The following ATP10B variants were observed in gnomAD, a reference collection of about 807,000 sequenced individuals.
ATP10B encodes ATPase phospholipid transporting 10B (putative).
ATP10B carries 122 observed loss-of-function variants against 141.2 expected under a neutral mutation model. The observed-to-expected ratio is 0.86, with a 90% CI of 0.75 to 1.00. The LOEUF is 1.00. Among genes scored for constraint, ATP10B ranks in the 50% least tolerant of loss-of-function variants. ATP10B has a pLI of 0.00. For missense variants in ATP10B, 1,876 were observed against 1,825.3 expected, an observed-to-expected ratio of 1.03 and a Z score of -0.51; for synonymous variants, 685 against 692.0, an observed-to-expected ratio of 0.99 and a Z score of 0.16.
Position 160,766,337 on chromosome 5 carries a change from AACACACACACACACACAC to A in ATP10B, c.-331+19204_-331+19221del, listed in dbSNP as rs58890049. Among the ~76,000 whole-genome samples the A allele has an allele frequency of 2.1e-3, 298 of 140,396 alleles. 1 individual carries two copies. The highest frequency in any genetic ancestry group is 3.8e-3 in the Middle Eastern group (1 of 266). The allele number at this position is 140,396 out of a possible 152,430, so 92.1% of individuals were successfully genotyped here. The stretch of plus-strand genomic sequence containing the variant: ...CACCAATCAATGAGTGGATAAAGAG[AACACACACACACACACAC>A]ACACACACACACACACACACACACA... On this transcript the variant is annotated intron_variant, in intron 2 of 25. Transcript: ENST00000327245.
chr5:160,829,355 G>A (rs1346954888), intron 1 of ATP10B, among the ~76,000 whole-genome samples: 3 of 152,052 alleles, frequency 2.0e-5, no homozygotes, highest in East Asian at 3.9e-4. Context: ...TTTGGTTACT[G>A]CACGCTTATA....
chr5:160,728,742 T>C (rs1766534860), intron 2 of ATP10B, among the ~76,000 whole-genome samples: 1 of 151,958 alleles, frequency 6.6e-6, no homozygotes, highest in Admixed American at 6.6e-5. Context: ...GACCTTAGGG[T>C]GGTCTTATGG....
chr5:160,581,341 A>G (rs1230352798), intron 24 of ATP10B, among the ~76,000 whole-genome samples: 1 of 152,172 alleles, frequency 6.6e-6, no homozygotes, highest in Non-Finnish European at 1.5e-5. Flanking sequence ...AGATTCTGGT[A>G]CATTGTGTCT....
At chr5:160,806,417 C>A (rs1772772783) in intron 1 of ATP10B, among the ~76,000 whole-genome samples, 1 of 152,182 alleles carries the variant, frequency 6.6e-6, no homozygotes, top group Admixed American at 6.5e-5. Context: ...GCAGACAGAT[C>A]CTGCCATCTT....
intron 7 of ATP10B, among the ~76,000 whole-genome samples, chr5:160,653,754 T>C (rs1275443604): frequency 1.9e-5 from 2 of 103,838 alleles, no homozygotes; most frequent in Admixed American, 1.1e-4. Flanking sequence ...TACATATACA[T>C]AAATATATAT....
the ATP10B span, among the ~76,000 whole-genome samples, chr5:160,870,129 T>C: frequency 1.3e-5 from 2 of 151,768 alleles, no homozygotes; most frequent in African/African-American, 4.8e-5. Flanking sequence ...AGAAGAAAAA[T>C]ACCTAATTCC....
chr5:160,818,877 T>C (rs1773889159), intron 1 of ATP10B, among the ~76,000 whole-genome samples: 1 of 152,138 alleles, frequency 6.6e-6, no homozygotes, highest in Non-Finnish European at 1.5e-5. Flanking sequence ...GAAACCATCA[T>C]TCTCAGCAAA....
At chr5:160,912,398 G>A in the ATP10B span, among the ~76,000 whole-genome samples, 1 of 112,588 alleles carries the variant, frequency 8.9e-6, no homozygotes, top group African/African-American at 3.2e-5. Context: ...CCAATATCGT[G>A]AAACCCTGTT....
At chr5:160,850,028 C>T (rs182368600) in intron 1 of ATP10B, among the ~76,000 whole-genome samples, 89 of 152,194 alleles carry the variant, frequency 5.8e-4, no homozygotes, top group Admixed American at 5.0e-3. Flanking sequence ...AGGAATCCAA[C>T]GAGTTTTAGT....
Position 160,607,100 on chromosome 5 carries a change from T to G in ATP10B, c.2839-14A>C, listed in dbSNP as rs978620111. On this transcript the variant is annotated splice_polypyrimidine_tract_variant and intron_variant, in intron 18 of 25. Coordinates refer to ENST00000327245, the MANE Select transcript of ATP10B (RefSeq NM_025153.3). The stretch of plus-strand genomic sequence containing the variant: ...TTCACAGGTCTCCTATAAAGAAGCA[T>G]AATAATACAGTATTTGTAAGCAACC... The G allele has an allele frequency of 6.3e-7, 1 of 1,598,844 alleles. No individual in the cohort carries two copies. Among genetic ancestry groups the G allele is most frequent in the Non-Finnish European group, 8.5e-7 (1 of 1,170,092 alleles).
intron 3 of ATP10B, among the ~76,000 whole-genome samples, chr5:160,716,615 T>C (rs1765676895): frequency 6.6e-6 from 1 of 152,190 alleles, no homozygotes; most frequent in South Asian, 2.1e-4. Context: ...GTCTCCATTA[T>C]CTAGGGTTAG....
intron 2 of ATP10B, among the ~76,000 whole-genome samples, chr5:160,746,489 T>C (rs1479672356): frequency 6.6e-6 from 1 of 151,924 alleles, no homozygotes; most frequent in Non-Finnish European, 1.5e-5. Flanking sequence ...CCTCCCAGGT[T>C]CAAGTGATTC....
intron 19 of ATP10B, among the ~76,000 whole-genome samples, chr5:160,605,771 A>AGAAG (rs1343795486): frequency 6.6e-6 from 1 of 152,198 alleles, no homozygotes; most frequent in Non-Finnish European, 1.5e-5. Flanking sequence ...CATCCCTAAG[A>AGAAG]GAAGGCAATA....
chr5:160,651,463 G>T (rs913173448), intron 7 of ATP10B, among the ~76,000 whole-genome samples: 1 of 152,010 alleles, frequency 6.6e-6, no homozygotes, highest in Admixed American at 6.6e-5. Context: ...TCTGTAGAAT[G>T]GGGCTAACAT....
In ATP10B at chr5:160,622,547, C is replaced by T. The variant is rs767347612; in HGVS notation, c.1659G>A (p.Lys553=). The T allele has an allele frequency of 6.2e-7, 1 of 1,613,636 alleles. No homozygotes were observed. Among genetic ancestry groups the T allele is most frequent in the East Asian group, 2.2e-5 (1 of 44,866 alleles). ...DVTPDKNLLT[K]VRDAALWLET... ...CCAACCACAGGGCAGCATCTCGAAC[C>T]TTGGTCAGTAGGTTTTTATCTGGAG... The change falls in exon 14 of 26, where the codon AAG becomes AAA. Residue 553 remains lysine (K), a synonymous_variant. Transcript: ENST00000327245.
At chr5:160,909,660 A>G in the ATP10B span, among the ~76,000 whole-genome samples, 1 of 152,216 alleles carries the variant, frequency 6.6e-6, no homozygotes, top group East Asian at 1.9e-4. Context: ...TACAATTTCA[A>G]TATTTCAGTA....
the ATP10B span, among the ~76,000 whole-genome samples, chr5:160,915,696 A>C: frequency 6.6e-6 from 1 of 152,176 alleles, no homozygotes; most frequent in East Asian, 1.9e-4. Context: ...GACAAAAGAC[A>C]GGCAGGAATA....
rs546730687 is a variant in ATP10B, at chr5:160,702,601, TTAAA to T, written c.-204-13662_-204-13659del. ...TGTAGCTAACATCTGTTATGAAATATTAAATAAAAATTATTTTGATTTTATGACT... is the reference window on the plus strand; with the variant it reads ...TGTAGCTAACATCTGTTATGAAATATTAAAAATTATTTTGATTTTATGACT... On this transcript the variant is annotated intron_variant, in intron 3 of 25. Transcript: ENST00000327245. Among the ~76,000 whole-genome samples, 47 of 152,358 alleles carry T rather than the reference TTAAA, an allele frequency of 3.1e-4. No individual in the cohort carries two copies. In the East Asian group the frequency reaches 8.5e-3, roughly 27 times the overall value.
At chr5:160,928,835 G>A in the ATP10B span, among the ~76,000 whole-genome samples, 1 of 152,164 alleles carries the variant, frequency 6.6e-6, no homozygotes, top group African/African-American at 2.4e-5. Flanking sequence ...GCTATAGACT[G>A]TCCAGACAGG....
Sources: allele counts gnomAD v4.1 joint callset (sites outside exome capture counted in the v4.1 genomes callset), GRCh38; gene constraint gnomAD v4.1.1; transcripts MANE v1.5; gene names NCBI Gene and HGNC (gene_info 2026-07-23, HGNC 2026-07-21).